AGAP1: variants seen among roughly 807,000 people sequenced by gnomAD.
AGAP1 encodes the protein arf-GAP with GTPase, ANK repeat and PH domain-containing protein 1.
Under a neutral mutation model 105.3 loss-of-function variants are expected in AGAP1, and 29 were observed. The ratio of observed to expected loss-of-function variants is 0.28; its 90% CI spans 0.21 to 0.38. The LOEUF is 0.38. Ranked by LOEUF, AGAP1 falls within the 10% of genes least tolerant of loss-of-function variation. The pLI, the probability that AGAP1 is intolerant of heterozygous loss-of-function variation, is 1.00. For missense variants in AGAP1, 998 were observed against 1,165.1 expected (o/e 0.86, Z 2.09); for synonymous variants, 509 against 485.9 (o/e 1.05, Z -0.63).
chr2:235,771,600 T>G (rs966029772), intron 6 of AGAP1, among the ~76,000 whole-genome samples: 1 of 152,138 alleles, frequency 6.6e-6, no homozygotes, highest in Non-Finnish European at 1.5e-5. Context: ...CGAAGAGTGA[T>G]CCCCACCTGG....
chr2:235,744,943 A>G lies in AGAP1; in HGVS notation c.538+104A>G. 1 of 1,377,356 alleles carries G rather than the reference A, an allele frequency of 7.3e-7. No individual in the cohort carries two copies. The highest frequency in any genetic ancestry group is 9.8e-7 in the Non-Finnish European group (1 of 1,019,572). 85.3% of individuals were successfully genotyped at this position (1,377,356 alleles called of 1,614,324 possible). On this transcript the variant is annotated intron_variant, in intron 5 of 17. Transcript: ENST00000304032. This position sits in a 1 kb window ranked among gnomAD's most constrained non-coding sequence, Gnocchi z 5.2. ...TGCTTTAAAGAAGGAAAAATTGCCT[A>G]CTGAACGCTCACTTTTTTGGGAAAA...
intron 16 of AGAP1, among the ~76,000 whole-genome samples, chr2:236,079,605 C>CAT (rs1348041150): frequency 4.0e-5 from 6 of 151,272 alleles, no homozygotes; most frequent in African/African-American, 9.7e-5. Flanking sequence ...TACATACATA[C>CAT]ATATATATAT....
rs1224593012 is a variant in AGAP1 at position 235,904,098 on chromosome 2, A to G, written c.1156-4640A>G. The stretch of plus-strand genomic sequence containing the variant: ...ATTTGCATCTGGGACATCAATTAGC[A>G]TGTTTGTTGAGGCTAATTGAATGAA... On this transcript the variant is annotated intron_variant, in intron 10 of 17. Transcript: ENST00000304032. The surrounding 1 kb of genome is among the most constrained non-coding windows in gnomAD (Gnocchi z 4.2). Among the ~76,000 whole-genome samples the G allele has an allele frequency of 6.6e-6, 1 of 152,208 alleles. No individual in the cohort carries two copies. Among genetic ancestry groups the G allele is most frequent in the Non-Finnish European group, 1.5e-5 (1 of 68,040 alleles).
chr2:236,066,669 A>G (rs2058354512), intron 16 of AGAP1, among the ~76,000 whole-genome samples: 2 of 152,214 alleles, frequency 1.3e-5, no homozygotes, highest in South Asian at 2.1e-4. Context: ...TTTTTAAAAA[A>G]TTTATATTGG....
At chr2:236,052,684 T>C (rs1028918025) in intron 16 of AGAP1, among the ~76,000 whole-genome samples, 4 of 152,178 alleles carry the variant, frequency 2.6e-5, no homozygotes, top group Non-Finnish European at 5.9e-5. Context: ...AAAAATCTTT[T>C]TGGATGGATT....
In AGAP1 at chr2:235,720,614, A is replaced by C. The variant is rs1310521431; in HGVS notation, c.310+2970A>C. 1 of 970,866 alleles carries C rather than the reference A, an allele frequency of 1.0e-6. No individual in the cohort carries two copies. Among genetic ancestry groups the C allele is most frequent in the Non-Finnish European group, 1.2e-6 (1 of 816,878 alleles). The allele number at this position is 970,866 out of a possible 1,614,324, so 60.1% of individuals were successfully genotyped here. A position where few individuals can be genotyped will look rare whatever the true frequency, so the allele number is the denominator to read the frequency against. Reference sequence around the variant, plus strand: ...GCGATCAACTGGGCAGCTACTTTGAATGAAAGGCATTTTGCTGTGTATCTG... The same window carrying C: ...GCGATCAACTGGGCAGCTACTTTGACTGAAAGGCATTTTGCTGTGTATCTG... On this transcript the variant is annotated intron_variant, in intron 3 of 17. Coordinates refer to ENST00000304032, the MANE Select transcript of AGAP1 (RefSeq NM_001037131.3). The surrounding 1 kb of genome is among the most constrained non-coding windows in gnomAD (Gnocchi z 5.0).
Position 235,513,063 on chromosome 2 carries a change from AGT to A in AGAP1, c.163+18215_163+18216del, listed in dbSNP as rs368860396. 9.4e-4 allele frequency among the ~76,000 whole-genome samples: 143 copies of A among 152,176 alleles called. 2 individuals carry two copies. Among genetic ancestry groups the A allele is most frequent in the African/African-American group, 3.3e-3 (135 of 41,534 alleles). On this transcript the variant is annotated intron_variant, in intron 1 of 17. Coordinates refer to ENST00000304032, the MANE Select transcript of AGAP1 (RefSeq NM_001037131.3). Reference sequence around the variant, plus strand: ...GTTCTGGTCATTTTTGAGAAAATCTAGTTTGCACTTTCATTGGGCCCCTTTGT... The same window carrying A: ...GTTCTGGTCATTTTTGAGAAAATCTATTGCACTTTCATTGGGCCCCTTTGT...
rs1027601474 is a variant in AGAP1, at chr2:235,865,579, C to T, written c.1051-17766C>T. On this transcript the variant is annotated intron_variant, in intron 9 of 17. Transcript: ENST00000304032. This position sits in a 1 kb window ranked among gnomAD's most constrained non-coding sequence, Gnocchi z 6.2. ...TTAAAGATCCAGAATCGGCCCCTCGCCCCTTTGCCCCTCCCCCAACTCCCT... is the reference window on the plus strand; with the variant it reads ...TTAAAGATCCAGAATCGGCCCCTCGTCCCTTTGCCCCTCCCCCAACTCCCT... Among the ~76,000 whole-genome samples, 5 of 152,132 alleles carry T rather than the reference C, an allele frequency of 3.3e-5. No homozygotes were observed. The highest frequency in any genetic ancestry group is 5.9e-5 in the Non-Finnish European group (4 of 68,034).
At chr2:236,043,860 G>A (rs2057636308) in intron 15 of AGAP1, among the ~76,000 whole-genome samples, 2 of 152,182 alleles carry the variant, frequency 1.3e-5, no homozygotes, top group Admixed American at 1.3e-4. Context: ...GGAAAGATCT[G>A]TAAGGCTGCA....
chr2:235,876,401 C>T (rs1183410357), intron 9 of AGAP1, among the ~76,000 whole-genome samples: 1 of 152,170 alleles, frequency 6.6e-6, no homozygotes, highest in African/African-American at 2.4e-5. Flanking sequence ...TATAACCCGG[C>T]CCTTGCGTGC....
At chr2:235,817,841 C>T (rs1347494231) in intron 9 of AGAP1, among the ~76,000 whole-genome samples, 2 of 152,060 alleles carry the variant, frequency 1.3e-5, no homozygotes, top group Non-Finnish European at 2.9e-5. Context: ...CAGTGGGCTG[C>T]GATCGCACCA....
At position 235,906,850 on chromosome 2, in the gene AGAP1, A is replaced by G. The variant is rs376397110; in HGVS notation, c.1156-1888A>G. On this transcript the variant is annotated intron_variant, in intron 10 of 17. Transcript: ENST00000304032. The surrounding 1 kb of genome is among the most constrained non-coding windows in gnomAD (Gnocchi z 5.3). ...TTGATAAACCCGTGACTCCTTCACA[A>G]GTGTGGGTGTTGCCCTGCAATTAAA... Among the ~76,000 whole-genome samples the G allele has an allele frequency of 1.3e-5, 2 of 150,516 alleles. No homozygotes were observed. The highest frequency in any genetic ancestry group is 1.9e-4 in the East Asian group (1 of 5,180).
rs2149440103 is a variant in AGAP1, at chr2:235,690,835, A to G, written c.164-18344A>G. Among the ~76,000 whole-genome samples the G allele has an allele frequency of 6.6e-6, 1 of 152,282 alleles. No homozygotes were observed. Among genetic ancestry groups the G allele is most frequent in the East Asian group, 1.9e-4 (1 of 5,170 alleles). On this transcript the variant is annotated intron_variant, in intron 1 of 17. Coordinates refer to ENST00000304032, the MANE Select transcript of AGAP1 (RefSeq NM_001037131.3). The surrounding 1 kb of genome is among the most constrained non-coding windows in gnomAD (Gnocchi z 4.1). ...TTATTTTTTTCTCCAGTCTAGTCAT[A>G]GTATTGGTTTCGAGAAGTCAAAATC...
chr2:235,760,185 A>G (rs1954318666), intron 6 of AGAP1, among the ~76,000 whole-genome samples: 1 of 152,204 alleles, frequency 6.6e-6, no homozygotes. Flanking sequence ...GTTTGAGACC[A>G]GCCTGGCCAA....
At chr2:235,802,315 CATT>C (rs1333056510) in intron 8 of AGAP1, among the ~76,000 whole-genome samples, 2 of 152,202 alleles carry the variant, frequency 1.3e-5, no homozygotes, top group Non-Finnish European at 2.9e-5. Flanking sequence ...AGTAAAAACT[CATT>C]GTTACAGTGA....
rs1415880948 is a variant in AGAP1 at position 235,720,438 on chromosome 2, T to TA, written c.310+2795dup. Among the ~76,000 whole-genome samples the TA allele has an allele frequency of 6.6e-6, 1 of 152,086 alleles. No individual in the cohort carries two copies. The highest frequency in any genetic ancestry group is 2.4e-5 in the African/African-American group (1 of 41,410). Reference sequence around the variant, plus strand: ...TGGCCCAGCCTCACCTGTGGTTACTTACCCACACAAAGGTGAGGGCACTCC... The same window carrying TA: ...TGGCCCAGCCTCACCTGTGGTTACTTAACCCACACAAAGGTGAGGGCACTCC... On this transcript the variant is annotated intron_variant, in intron 3 of 17. Coordinates refer to ENST00000304032, the MANE Select transcript of AGAP1 (RefSeq NM_001037131.3). The surrounding 1 kb of genome is among the most constrained non-coding windows in gnomAD (Gnocchi z 5.0).
intron 6 of AGAP1, among the ~76,000 whole-genome samples, chr2:235,761,842 G>T (rs1954469292): frequency 6.6e-6 from 1 of 152,052 alleles, no homozygotes; most frequent in African/African-American, 2.4e-5. Flanking sequence ...GCGCACAGTG[G>T]CTCATGCCTG....
intron 1 of AGAP1, among the ~76,000 whole-genome samples, chr2:235,630,136 CAAAT>C (rs923033484): frequency 1.3e-5 from 2 of 151,706 alleles, no homozygotes; most frequent in East Asian, 1.9e-4. Flanking sequence ...TATACTGAAA[CAAAT>C]AAGTTGTTTT....
Position 235,518,823 on chromosome 2 carries a change from A to G in AGAP1, c.163+23974A>G, listed in dbSNP as rs188161472. Among the ~76,000 whole-genome samples, 216 of 152,328 alleles carry G rather than the reference A, an allele frequency of 1.4e-3. 1 individual carries two copies. Among genetic ancestry groups the G allele is most frequent in the African/African-American group, 4.8e-3 (199 of 41,584 alleles). ...CAGCAGCTGCATGTCCTCAGGTTAA[A>G]CTTCACATCTTGACTGGCAGGCTTG... On this transcript the variant is annotated intron_variant, in intron 1 of 17. Coordinates refer to ENST00000304032, the MANE Select transcript of AGAP1 (RefSeq NM_001037131.3).
Sources: gnomAD v4.1 joint callset for allele counts (sites outside exome capture counted in the v4.1 genomes callset) on GRCh38, gnomAD v4.1.1 for gene constraint, Gnocchi (gnomAD v3.1) non-coding constraint, MANE v1.5 for transcripts, NCBI Gene and HGNC (gene_info 2026-07-23, HGNC 2026-07-21) for gene names.